WDPCP: variants seen among roughly 807,000 people sequenced by gnomAD.
WDPCP encodes the protein WD repeat containing planar cell polarity effector, also known as WD repeat-containing and planar cell polarity effector protein fritz homolog.
In WDPCP, 71 loss-of-function variants were observed where a neutral mutation model predicts 93.1. The observed-to-expected ratio is 0.76, with a 90% confidence interval of 0.63 to 0.93. WDPCP has a LOEUF of 0.93. Ranked by LOEUF, WDPCP falls within the 40% of genes least tolerant of loss-of-function variation. The pLI is 0.00. For missense variants in WDPCP, 844 were observed against 887.4 expected (o/e 0.95, Z 0.62); for synonymous variants, 315 against 315.0 (o/e 1.00, Z 0.00).
chr2:63,213,311 T>C, intron 14 of WDPCP, among the ~76,000 whole-genome samples: 1 of 152,164 alleles, frequency 6.6e-6, no homozygotes, highest in Admixed American at 6.5e-5. Flanking sequence ...AACTCAGGAT[T>C]AAGAAACTCA....
At position 63,247,599 on chromosome 2, in the gene WDPCP, G is replaced by T. The variant is rs147960813; in HGVS notation, c.1915+11708C>A. On this transcript the variant is annotated intron_variant, in intron 14 of 17. Coordinates refer to ENST00000272321, the MANE Select transcript of WDPCP (RefSeq NM_015910.7). Reference sequence around the variant, plus strand: ...ATAAAATTGCCTTCAGGCTATGTGTGTAAGGTGTTTTGTGTTTAGACCTGG... The same window carrying T: ...ATAAAATTGCCTTCAGGCTATGTGTTTAAGGTGTTTTGTGTTTAGACCTGG... 6.6e-4 allele frequency among the ~76,000 whole-genome samples: 100 copies of T among 150,398 alleles called. 1 individual carries two copies. The highest frequency in any genetic ancestry group is 2.2e-3 in the African/African-American group (89 of 40,990).
Position 63,588,306 on chromosome 2 carries a change from C to G in WDPCP, c.-35G>C. The G allele has an allele frequency of 6.4e-7, 1 of 1,558,938 alleles. No homozygotes were observed. Among genetic ancestry groups the G allele is most frequent in the Non-Finnish European group, 8.7e-7 (1 of 1,149,634 alleles). On this transcript the variant is annotated 5_prime_UTR_variant, in exon 1 of 18. Transcript: ENST00000272321. ...CTACCCCGGGCAGAAGGTTCCTAGG[C>G]TAGGTCCTCGGACCCGAGAGGGAGC...
intron 14 of WDPCP, among the ~76,000 whole-genome samples, chr2:63,190,515 T>A (rs1323739940): frequency 6.6e-6 from 1 of 151,770 alleles, no homozygotes; most frequent in Non-Finnish European, 1.5e-5. Flanking sequence ...TATTTGTAAA[T>A]ATGTTTAAAT....
chr2:63,650,500 G>A (rs1426439374), intron 3 of WDPCP, among the ~76,000 whole-genome samples: 1 of 152,104 alleles, frequency 6.6e-6, no homozygotes, highest in East Asian at 1.9e-4. Flanking sequence ...TTCTTTACTT[G>A]TCTTATATGA....
At chr2:63,759,471 C>G (rs868342532) in intron 2 of WDPCP, among the ~76,000 whole-genome samples, 8 of 152,114 alleles carry the variant, frequency 5.3e-5, no homozygotes, top group Non-Finnish European at 8.8e-5. Context: ...TGGTACAAAA[C>G]AAAAATGTGA....
intron 2 of WDPCP, among the ~76,000 whole-genome samples, chr2:63,661,789 G>A (rs749963129): frequency 2.6e-5 from 4 of 152,176 alleles, no homozygotes; most frequent in Non-Finnish European, 5.9e-5. Context: ...GACAGTGGGT[G>A]CTGTGGGGAG....
At chr2:63,556,954 G>A (rs1416677972) in intron 1 of WDPCP, among the ~76,000 whole-genome samples, 1 of 152,024 alleles carries the variant, frequency 6.6e-6, no homozygotes, top group Non-Finnish European at 1.5e-5. Context: ...AATCCTTTTT[G>A]GATAAGCAAA....
chr2:63,785,002 C>T (rs564593217), intron 2 of WDPCP, among the ~76,000 whole-genome samples: 29 of 152,210 alleles, frequency 1.9e-4, no homozygotes, highest in African/African-American at 6.7e-4. Context: ...AGCTTGGCTA[C>T]GCTTACGCTA....
intron 1 of WDPCP, among the ~76,000 whole-genome samples, chr2:63,549,494 C>T (rs1162135638): frequency 1.3e-5 from 2 of 152,050 alleles, no homozygotes; most frequent in South Asian, 4.1e-4. Context: ...CTCAGCAAAG[C>T]GCGGTGGCTC....
chr2:63,793,184 C>A (rs1417489317), intron 2 of WDPCP, among the ~76,000 whole-genome samples: 1 of 151,988 alleles, frequency 6.6e-6, no homozygotes, highest in Non-Finnish European at 1.5e-5. Flanking sequence ...TTTGCAGGCA[C>A]ATTTATAGCA....
chr2:63,551,734 T>C (rs1198316794), intron 1 of WDPCP, among the ~76,000 whole-genome samples: 1 of 152,172 alleles, frequency 6.6e-6, no homozygotes, highest in Non-Finnish European at 1.5e-5. Flanking sequence ...TCAAAATATG[T>C]TAAAAGCAAA....
chr2:63,816,154 T>C (rs1670930393), intron 1 of WDPCP, among the ~76,000 whole-genome samples: 1 of 151,776 alleles, frequency 6.6e-6, no homozygotes, highest in African/African-American at 2.4e-5. Flanking sequence ...AAAAAGAAAA[T>C]TAATCACATT....
intron 12 of WDPCP, chr2:63,369,570 T>G (rs1428306290): frequency 1.8e-5 from 8 of 454,282 alleles, no homozygotes; most frequent in Non-Finnish European, 3.1e-5. Flanking sequence ...AAACACATTT[T>G]GTACATCCCA....
rs1316627986 is a variant in WDPCP at position 63,121,497 on chromosome 2, G to C, written c.*509C>G. On this transcript the variant is annotated 3_prime_UTR_variant, in exon 18 of 18. Transcript: ENST00000272321. Reference sequence around the variant, plus strand: ...ACTCCTGGGCTCAAGCAATTCTTCTGCCTCAGCTTCACAAGCATGTACCAC... The same window carrying C: ...ACTCCTGGGCTCAAGCAATTCTTCTCCCTCAGCTTCACAAGCATGTACCAC... 1.4e-5 allele frequency: 2 copies of C among 147,822 alleles called. No homozygotes were observed. The highest frequency in any genetic ancestry group is 5.1e-5 in the African/African-American group (2 of 39,376). The allele number at this position is 147,822 out of a possible 1,614,324, so 9.2% of individuals were successfully genotyped here.
intron 6 of WDPCP, among the ~76,000 whole-genome samples, chr2:63,458,062 T>C (rs1575458114): frequency 6.7e-6 from 1 of 149,438 alleles, no homozygotes; most frequent in South Asian, 2.1e-4. Flanking sequence ...AGGCCAAGGT[T>C]GCAGTAAGCC....
chr2:63,740,346 C>T (rs1669695239), intron 2 of WDPCP, among the ~76,000 whole-genome samples: 1 of 152,080 alleles, frequency 6.6e-6, no homozygotes, highest in African/African-American at 2.4e-5. Context: ...GTTTCCAACA[C>T]TTTGGATTTT....
At chr2:63,437,969 G>A in intron 7 of WDPCP, 1 of 1,461,622 alleles carries the variant, frequency 6.8e-7, no homozygotes, top group Non-Finnish European at 9.1e-7. Flanking sequence ...AGGGGATACT[G>A]ATCAGTGTTC....
chr2:63,831,414 C>G (rs1291392477), upstream of WDPCP, among the ~76,000 whole-genome samples: 1 of 152,172 alleles, frequency 6.6e-6, no homozygotes, highest in African/African-American at 2.4e-5. Flanking sequence ...TCTTGCCTTT[C>G]TATCTGGCAT....
intron 13 of WDPCP, among the ~76,000 whole-genome samples, chr2:63,303,468 G>T (rs1360155608): frequency 6.6e-6 from 1 of 152,132 alleles, no homozygotes; most frequent in Non-Finnish European, 1.5e-5. Flanking sequence ...CTGGACCCTG[G>T]ACTTTGCATT....
Sources: gnomAD v4.1 joint callset for allele counts (sites outside exome capture counted in the v4.1 genomes callset) on GRCh38, gnomAD v4.1.1 for gene constraint, MANE v1.5 for transcripts, NCBI Gene and HGNC (gene_info 2026-07-23, HGNC 2026-07-21) for gene names.